SLC14A2: variants seen among roughly 807,000 people sequenced by gnomAD.
SLC14A2 encodes the protein urea transporter 2.
Under a neutral mutation model 104.6 loss-of-function variants are expected in SLC14A2, and 91 were observed. The observed-to-expected ratio is 0.87, with a 90% CI of 0.73 to 1.04. The LOEUF is 1.04. Ranked by LOEUF, SLC14A2 falls within the 50% of genes least tolerant of loss-of-function variation. SLC14A2 has a pLI of 0.00. For synonymous variants in SLC14A2, 476 were observed against 466.4 expected (o/e 1.02, Z -0.27); for missense variants, 1,189 against 1,156.0 (o/e 1.03, Z -0.41).
At chr18:45,604,219 C>CA (rs36112503) in intron 2 of SLC14A2, among the ~76,000 whole-genome samples, 7 of 151,988 alleles carry the variant, frequency 4.6e-5, no homozygotes, top group Non-Finnish European at 1.0e-4. Flanking sequence ...GAATATGATG[C>CA]AAAAAAGTCA....
chr18:45,180,066 T>G, the SLC14A2 span: 14 of 152,412 alleles, frequency 9.2e-5, no homozygotes, highest in East Asian at 2.3e-3. Flanking sequence ...GGAGAATAGC[T>G]TGAGTCTGGG....
At chr18:45,174,496 G>C in the SLC14A2 span, among the ~76,000 whole-genome samples, 6 of 152,194 alleles carry the variant, frequency 3.9e-5, no homozygotes, top group African/African-American at 1.4e-4. Flanking sequence ...GGGAAGAAAT[G>C]AAACCCTGCT....
chr18:45,289,710 G>C (rs1014461253), intron 1 of SLC14A2, among the ~76,000 whole-genome samples: 1 of 152,142 alleles, frequency 6.6e-6, no homozygotes, highest in Non-Finnish European at 1.5e-5. Flanking sequence ...CCTTCTCCCT[G>C]GGCTGAGCAG....
intron 1 of SLC14A2, among the ~76,000 whole-genome samples, chr18:45,235,231 C>A (rs1056346833): frequency 2.0e-5 from 3 of 152,164 alleles, no homozygotes; most frequent in Admixed American, 2.0e-4. Context: ...AGACAAGGGA[C>A]ACTCAGATTC....
chr18:45,174,581 C>T, the SLC14A2 span, among the ~76,000 whole-genome samples: 16 of 152,224 alleles, frequency 1.1e-4, no homozygotes, highest in East Asian at 1.9e-4. Flanking sequence ...AATTGTCATC[C>T]GTCCCTGCTT....
intron 1 of SLC14A2, among the ~76,000 whole-genome samples, chr18:45,289,411 T>C (rs1465883399): frequency 1.3e-5 from 2 of 151,200 alleles, no homozygotes; most frequent in African/African-American, 4.9e-5. Context: ...TGAAAATCCC[T>C]TAATTAAATC....
chr18:45,245,569 A>G (rs1214034209), intron 1 of SLC14A2, among the ~76,000 whole-genome samples: 1 of 152,236 alleles, frequency 6.6e-6, no homozygotes, highest in African/African-American at 2.4e-5. Flanking sequence ...TCCTGTCTTC[A>G]TGCCTTTTGA....
At chr18:45,333,912 GA>G (rs2085313508) in intron 1 of SLC14A2, among the ~76,000 whole-genome samples, 1 of 152,154 alleles carries the variant, frequency 6.6e-6, no homozygotes, top group South Asian at 2.1e-4. Context: ...AGTGTCTGTT[GA>G]AATTGATGAA....
At chr18:45,287,515 A>G (rs1021939753) in intron 1 of SLC14A2, among the ~76,000 whole-genome samples, 3 of 152,190 alleles carry the variant, frequency 2.0e-5, no homozygotes, top group Non-Finnish European at 4.4e-5. Flanking sequence ...GGGACAGGGT[A>G]GGAGTGGGGA....
At chr18:45,585,081 A>C (rs1440967966) in intron 2 of SLC14A2, among the ~76,000 whole-genome samples, 1 of 152,140 alleles carries the variant, frequency 6.6e-6, no homozygotes, top group Non-Finnish European at 1.5e-5. Flanking sequence ...AACACCTTCC[A>C]GTGGCTTCCC....
At chr18:45,256,660 A>T (rs1243693284) in intron 1 of SLC14A2, among the ~76,000 whole-genome samples, 1 of 152,264 alleles carries the variant, frequency 6.6e-6, no homozygotes, top group Non-Finnish European at 1.5e-5. Context: ...CAATGATAGA[A>T]CTATCATTAA....
In SLC14A2 at chr18:45,417,623, A is replaced by T. The variant is rs372116121; in HGVS notation, c.-124-65610A>T. On this transcript the variant is annotated intron_variant, in intron 1 of 20. Coordinates refer to the SLC14A2 transcript ENST00000586448. Reference sequence around the variant, plus strand: ...ACCGCCCCCAATTCAATTACCTCCCACCAGGTCCCTTGCATGACATGTGAA... The same window carrying T: ...ACCGCCCCCAATTCAATTACCTCCCTCCAGGTCCCTTGCATGACATGTGAA... Among the ~76,000 whole-genome samples, 16 of 152,168 alleles carry T rather than the reference A, an allele frequency of 1.1e-4. No homozygotes were observed. In the East Asian group the frequency reaches 1.3e-3, roughly 13 times the overall value.
At chr18:45,407,138 T>G (rs1001582091) in intron 1 of SLC14A2, among the ~76,000 whole-genome samples, 4 of 152,256 alleles carry the variant, frequency 2.6e-5, no homozygotes, top group Non-Finnish European at 5.9e-5. Context: ...AATATAAGGC[T>G]GTTTCATTAC....
intron 2 of SLC14A2, among the ~76,000 whole-genome samples, chr18:45,585,604 C>G (rs1009438058): frequency 6.6e-6 from 1 of 152,150 alleles, no homozygotes; most frequent in African/African-American, 2.4e-5. Context: ...AATTACCCAC[C>G]CTGCAAGGCA....
At chr18:45,535,275 C>T (rs573276539) in intron 2 of SLC14A2, among the ~76,000 whole-genome samples, 2 of 152,274 alleles carry the variant, frequency 1.3e-5, no homozygotes, top group South Asian at 4.1e-4. Flanking sequence ...TTTTACGTAC[C>T]TCCATCATTT....
intron 1 of SLC14A2, among the ~76,000 whole-genome samples, chr18:45,229,223 G>T (rs1196663530): frequency 6.6e-6 from 1 of 152,156 alleles, no homozygotes; most frequent in Non-Finnish European, 1.5e-5. Flanking sequence ...GCTGATTTAG[G>T]TTCTGTAGTA....
chr18:45,401,051 A>C (rs936045042), intron 1 of SLC14A2, among the ~76,000 whole-genome samples: 2 of 152,158 alleles, frequency 1.3e-5, no homozygotes, highest in African/African-American at 4.8e-5. Flanking sequence ...AGAAGCTAAG[A>C]TCTGGGTGAT....
chr18:45,500,469 C>T (rs111795074), intron 2 of SLC14A2, among the ~76,000 whole-genome samples: 12,694 of 148,026 alleles, frequency 0.086, 635 homozygotes, highest in Middle Eastern at 0.14. Context: ...CCCAGCTACT[C>T]GGGAGGCTGA....
the SLC14A2 span, among the ~76,000 whole-genome samples, chr18:45,198,346 C>T: frequency 6.6e-6 from 1 of 152,102 alleles, no homozygotes; most frequent in Non-Finnish European, 1.5e-5. Context: ...TCACCCAATA[C>T]TCAACCACTA....
Sources: gnomAD v4.1 joint callset for allele counts (sites outside exome capture counted in the v4.1 genomes callset) on GRCh38, gnomAD v4.1.1 for gene constraint, MANE v1.5 for transcripts, NCBI Gene and HGNC (gene_info 2026-07-23, HGNC 2026-07-21) for gene names.